MAP3K5: variants seen among roughly 807,000 people sequenced by gnomAD.
MAP3K5 encodes the protein mitogen-activated protein kinase kinase kinase 5.
Under a neutral mutation model 158.7 loss-of-function variants are expected in MAP3K5, and 56 were observed. The observed-to-expected ratio is 0.35, with a 90% CI of 0.28 to 0.44. The LOEUF is 0.44. Among genes scored for constraint, MAP3K5 ranks in the 20% least tolerant of loss-of-function variants. The pLI is 1.00. For missense variants in MAP3K5, 1,294 were observed against 1,674.8 expected (o/e 0.77, Z 3.97); for synonymous variants, 579 against 601.7 (o/e 0.96, Z 0.55).
chr6:136,632,486 C>T (rs1349828340), intron 14 of MAP3K5, among the ~76,000 whole-genome samples: 1 of 152,098 alleles, frequency 6.6e-6, no homozygotes, highest in Non-Finnish European at 1.5e-5. Flanking sequence ...CACTGCTCTC[C>T]CACCTGGGTG....
rs1785091126 is a variant in MAP3K5 at position 136,791,866 on chromosome 6, T to A, written c.292A>T (p.Asn98Tyr). ...ACCAGTTGCCCTTGGCTCGCTTCGTTGATCACATATGCCACCGTGGTCCGT... is the reference window on the plus strand; with the variant it reads ...ACCAGTTGCCCTTGGCTCGCTTCGTAGATCACATATGCCACCGTGGTCCGT... Reference protein sequence around the residue: ...SRRTTVAYVINEASQGQLVVA... With the variant: ...SRRTTVAYVIYEASQGQLVVA... The change falls in exon 1 of 30, where the codon AAC becomes TAC. Residue 98 changes from asparagine to tyrosine, a missense_variant. This residue lies in a region of MAP3K5 where 690 missense variants were observed against 870.5 expected (regional missense o/e 0.79). Coordinates refer to ENST00000359015, the MANE Select transcript of MAP3K5 (RefSeq NM_005923.4). 6.2e-7 allele frequency: 1 copy of A among 1,613,720 alleles called. No homozygotes were observed. The highest frequency in any genetic ancestry group is 8.5e-7 in the Non-Finnish European group (1 of 1,180,000).
At chr6:136,638,059 A>G (rs991528822) in intron 13 of MAP3K5, among the ~76,000 whole-genome samples, 51 of 152,158 alleles carry the variant, frequency 3.4e-4, no homozygotes, top group Non-Finnish European at 7.3e-5. Context: ...ATGTGGTATC[A>G]ACTTCCTCAC....
At chr6:136,765,679 A>ATTTTTTTTTTT (rs780589836) in intron 1 of MAP3K5, among the ~76,000 whole-genome samples, 11 of 120,016 alleles carry the variant, frequency 9.2e-5, no homozygotes, top group South Asian at 2.7e-4. Context: ...TGCCTGGCTA[A>ATTTTTTTTTTT]TTTTTTTTTT....
At chr6:136,595,268 C>T (rs1775572277) in intron 21 of MAP3K5, among the ~76,000 whole-genome samples, 2 of 152,178 alleles carry the variant, frequency 1.3e-5, no homozygotes, top group Admixed American at 1.3e-4. Flanking sequence ...CAGGCATGTG[C>T]CACCACCCCT....
chr6:136,576,255 T>C (rs1583208141), intron 25 of MAP3K5, among the ~76,000 whole-genome samples: 2 of 152,218 alleles, frequency 1.3e-5, no homozygotes, highest in South Asian at 4.1e-4. Flanking sequence ...GTCCTTTCAA[T>C]AAATCTCCAT....
chr6:136,588,801 T>A (rs773129489), intron 23 of MAP3K5, among the ~76,000 whole-genome samples: 2 of 152,116 alleles, frequency 1.3e-5, no homozygotes, highest in Non-Finnish European at 2.9e-5. Context: ...CACTCCAGTC[T>A]CCACCGCCAC....
chr6:136,769,436 G>A lies in MAP3K5; in HGVS notation c.448+22274C>T, dbSNP rs76440806. Among the ~76,000 whole-genome samples the A allele has an allele frequency of 1.8e-4, 27 of 152,116 alleles. 2 individuals carry two copies. The East Asian group carries it at 5.2e-3, about 29-fold the overall frequency. On this transcript the variant is annotated intron_variant, in intron 1 of 29. Transcript: ENST00000359015. ...TTGGAATTAGATATTGGTGATGGTT[G>A]CACACTTTATGAGTCTACTGAAAAC...
At chr6:136,664,193 G>A (rs1003382886) in intron 8 of MAP3K5, among the ~76,000 whole-genome samples, 3 of 152,034 alleles carry the variant, frequency 2.0e-5, no homozygotes, top group South Asian at 4.1e-4. Flanking sequence ...TCATAGGAGC[G>A]TGAACACTAT....
rs544490120 is a variant in MAP3K5, at chr6:136,558,018, T to C, written c.4065-200A>G. ...CCCTTTTCACTCCCACAAACTGCTA[T>C]GTCCCAAAACATCATTTTAGAGTTT... is the stretch of plus-strand genomic sequence containing the variant. On this transcript the variant is annotated intron_variant, in intron 29 of 29. Coordinates refer to ENST00000359015, the MANE Select transcript of MAP3K5 (RefSeq NM_005923.4). 3.3e-5 allele frequency among the ~76,000 whole-genome samples: 5 copies of C among 152,352 alleles called. No individual in the cohort carries two copies. The East Asian group carries it at 9.6e-4, about 29-fold the overall frequency.
At chr6:136,757,352 A>T (rs1349523733) in intron 1 of MAP3K5, among the ~76,000 whole-genome samples, 1 of 152,214 alleles carries the variant, frequency 6.6e-6, no homozygotes, top group Non-Finnish European at 1.5e-5. Context: ...TACAGGAAGT[A>T]AGAGAGTCAG....
At chr6:136,577,693 A>G (rs1180574019) in intron 25 of MAP3K5, among the ~76,000 whole-genome samples, 1 of 152,210 alleles carries the variant, frequency 6.6e-6, no homozygotes. Flanking sequence ...TAAACTTTCT[A>G]TTCTGGAAGA....
intron 23 of MAP3K5, among the ~76,000 whole-genome samples, chr6:136,591,779 T>C (rs1014511017): frequency 6.6e-6 from 1 of 152,214 alleles, no homozygotes; most frequent in African/African-American, 2.4e-5. Flanking sequence ...TCCCAAATGC[T>C]GAGAGGAGCG....
intron 11 of MAP3K5, chr6:136,647,870 C>A (rs1166764867): frequency 6.6e-6 from 1 of 152,376 alleles, no homozygotes; most frequent in Non-Finnish European, 1.5e-5. Context: ...ACGCCACAGA[C>A]CAAGAACCCA....
intron 1 of MAP3K5, among the ~76,000 whole-genome samples, chr6:136,743,872 A>C (rs894699890): frequency 6.6e-6 from 1 of 152,240 alleles, no homozygotes; most frequent in South Asian, 2.1e-4. Flanking sequence ...GAAATGAGCC[A>C]TCAAGCCATG....
At chr6:136,737,035 G>GTATATATATATATATATATATATA (rs1452375249) in intron 1 of MAP3K5, among the ~76,000 whole-genome samples, 28 of 118,696 alleles carry the variant, frequency 2.4e-4, no homozygotes, top group East Asian at 4.2e-4. Context: ...ATATATGTGT[G>GTATATATATATATATATATATATA]TGTATATATA....
intron 26 of MAP3K5, among the ~76,000 whole-genome samples, chr6:136,564,591 G>C (rs569013024): frequency 3.3e-5 from 5 of 152,170 alleles, no homozygotes; most frequent in African/African-American, 1.2e-4. Context: ...TAATTTATAC[G>C]TATAAGACAG....
intron 1 of MAP3K5, among the ~76,000 whole-genome samples, chr6:136,780,062 G>GA (rs1480422018): frequency 6.6e-6 from 1 of 152,178 alleles, no homozygotes; most frequent in Non-Finnish European, 1.5e-5. Context: ...CAAAGACTTG[G>GA]AAAAGGTCAA....
intron 23 of MAP3K5, among the ~76,000 whole-genome samples, chr6:136,586,837 G>C (rs1334246496): frequency 6.6e-6 from 1 of 152,278 alleles, no homozygotes; most frequent in East Asian, 1.9e-4. Context: ...TGTGAAAAGA[G>C]AGAGTGACCT....
chr6:136,744,173 A>C (rs1782832581), intron 1 of MAP3K5, among the ~76,000 whole-genome samples: 1 of 152,136 alleles, frequency 6.6e-6, no homozygotes, highest in Admixed American at 6.5e-5. Context: ...ATCAGGTGAT[A>C]ATGATGTGTC....
Sources: gnomAD v4.1 joint callset for allele counts (sites outside exome capture counted in the v4.1 genomes callset) on GRCh38, gnomAD v4.1.1 for gene constraint, gnomAD v4.1.1 regional missense constraint, MANE v1.5 for transcripts, NCBI Gene and HGNC (gene_info 2026-07-23, HGNC 2026-07-21) for gene names.